CAMK1D: variants seen among roughly 807,000 people sequenced by gnomAD.
CAMK1D encodes the protein calcium/calmodulin-dependent protein kinase type 1D.
In CAMK1D, 9 loss-of-function variants were observed where a neutral mutation model predicts 47.7. The ratio of observed to expected loss-of-function variants is 0.19; its 90% CI spans 0.11 to 0.33. CAMK1D has a LOEUF of 0.33. Among genes scored for constraint, CAMK1D ranks in the 10% least tolerant of loss-of-function variants. CAMK1D has a pLI of 1.00. For missense variants in CAMK1D, 291 were observed against 488.7 expected, an observed-to-expected ratio of 0.60 and a Z score of 3.81; for synonymous variants, 184 against 184.9, an observed-to-expected ratio of 0.99 and a Z score of 0.04.
intron 3 of CAMK1D, among the ~76,000 whole-genome samples, chr10:12,707,074 G>A (rs574192587): frequency 3.9e-5 from 6 of 152,300 alleles, no homozygotes; most frequent in African/African-American, 1.2e-4. Context: ...TTTTCCAGCT[G>A]GAGAGAGATA....
At position 12,694,176 on chromosome 10, in the gene CAMK1D, T is replaced by A. The variant is rs867366620; in HGVS notation, c.299+27366T>A. 1.0e-4 allele frequency among the ~76,000 whole-genome samples: 4 copies of A among 38,230 alleles called. 1 individual carries two copies. In the Admixed American group the frequency reaches 1.6e-3, roughly 15 times the overall value. 25.1% of individuals were successfully genotyped at this position (38,230 alleles called of 152,430 possible). On this transcript the variant is annotated intron_variant, in intron 3 of 10. Coordinates refer to ENST00000619168, the MANE Select transcript of CAMK1D (RefSeq NM_153498.4). ...TAATATATATTATGCATAATATATA[T>A]TATATATAATATAATATATATTATA... is the stretch of plus-strand genomic sequence containing the variant.
chr10:12,494,849 G>A (rs892965095), intron 1 of CAMK1D, among the ~76,000 whole-genome samples: 11 of 152,132 alleles, frequency 7.2e-5, no homozygotes, highest in African/African-American at 2.2e-4. Context: ...GATTACAGGC[G>A]TGAACCACTG....
At position 12,373,025 on chromosome 10, in the gene CAMK1D, G is replaced by A. The variant is rs112606789; in HGVS notation, c.92+23115G>A. 6.5e-3 allele frequency among the ~76,000 whole-genome samples: 985 copies of A among 152,284 alleles called. 15 individuals carry two copies. Among genetic ancestry groups the A allele is most frequent in the African/African-American group, 0.023 (940 of 41,568 alleles). ...GTAAAGCTTAAATGACCCACTTCCCGGGTGGCCACCAGGTATTCTTTTAAC... is the reference window on the plus strand; with the variant it reads ...GTAAAGCTTAAATGACCCACTTCCCAGGTGGCCACCAGGTATTCTTTTAAC... On this transcript the variant is annotated intron_variant, in intron 1 of 10. Transcript: ENST00000619168.
intron 2 of CAMK1D, among the ~76,000 whole-genome samples, chr10:12,586,112 AG>A (rs1386311268): frequency 2.6e-5 from 4 of 152,334 alleles, no homozygotes; most frequent in African/African-American, 7.2e-5. Context: ...CATTTATGGA[AG>A]CCCCACCATG....
At chr10:12,483,386 A>G (rs1219195112) in intron 1 of CAMK1D, among the ~76,000 whole-genome samples, 1 of 152,126 alleles carries the variant, frequency 6.6e-6, no homozygotes, top group East Asian at 1.9e-4. Context: ...TTTTTTGTAG[A>G]GACAGGGTCT....
chr10:12,805,650 A>G (rs564732391), intron 6 of CAMK1D, among the ~76,000 whole-genome samples: 1 of 152,294 alleles, frequency 6.6e-6, no homozygotes, highest in Admixed American at 6.5e-5. Flanking sequence ...GATTACAGGC[A>G]TGAGCCACCG....
At chr10:12,524,878 A>G (rs1186936645) in intron 1 of CAMK1D, among the ~76,000 whole-genome samples, 1 of 152,164 alleles carries the variant, frequency 6.6e-6, no homozygotes, top group Non-Finnish European at 1.5e-5. Context: ...TTCCACCTGA[A>G]GCATTTCCTT....
chr10:12,781,535 CT>C (rs3837320), intron 5 of CAMK1D, among the ~76,000 whole-genome samples: 34,049 of 152,166 alleles, frequency 0.22, 3,992 homozygotes, highest in East Asian at 0.46. Context: ...GCAGTCCCAG[CT>C]CAGATGAGAA....
chr10:12,415,839 T>A (rs1839829416), intron 1 of CAMK1D: 1 of 150,898 alleles, frequency 6.6e-6, no homozygotes, highest in South Asian at 2.1e-4. Context: ...AAGGTCTCGC[T>A]CTGTTGTCCA....
chr10:12,669,888 C>A (rs1409340977), intron 3 of CAMK1D, among the ~76,000 whole-genome samples: 1 of 151,848 alleles, frequency 6.6e-6, no homozygotes, highest in African/African-American at 2.4e-5. Flanking sequence ...GAGTAGTATT[C>A]CATTATTTTA....
chr10:12,419,654 A>G (rs989744765), intron 1 of CAMK1D, among the ~76,000 whole-genome samples: 2 of 151,922 alleles, frequency 1.3e-5, no homozygotes, highest in African/African-American at 4.8e-5. Context: ...ACACACACAC[A>G]CACACACACA....
chr10:12,355,668 C>T lies in CAMK1D; in HGVS notation c.92+5758C>T, dbSNP rs181616674. Among the ~76,000 whole-genome samples the T allele has an allele frequency of 6.3e-4, 96 of 152,244 alleles. No homozygotes were observed. The Middle Eastern group carries it at 0.01, about 16-fold the overall frequency. On this transcript the variant is annotated intron_variant, in intron 1 of 10. Transcript: ENST00000619168. ...GGTGGGAAGCCCCTAGACTTCTCCC[C>T]GAGGGTATCCCCGCTGCAGTCTTCT...
rs546442191 is a variant in CAMK1D at position 12,679,246 on chromosome 10, G to A, written c.299+12436G>A. 1.1e-4 allele frequency among the ~76,000 whole-genome samples: 17 copies of A among 152,150 alleles called. No homozygotes were observed. The East Asian group carries it at 1.5e-3, about 14-fold the overall frequency. The stretch of plus-strand genomic sequence containing the variant: ...CCTTTTTGAAAAGTTAGATCTGGTC[G>A]CTAATACTCAAATTTAAGAAGTCAT... On this transcript the variant is annotated intron_variant, in intron 3 of 10. Transcript: ENST00000619168.
At chr10:12,405,995 C>T (rs565734970) in intron 1 of CAMK1D, among the ~76,000 whole-genome samples, 4 of 152,278 alleles carry the variant, frequency 2.6e-5, no homozygotes, top group African/African-American at 9.6e-5. Context: ...ACCAGTGCTG[C>T]TTGGAAGAGG....
chr10:12,639,619 T>C (rs555866682), intron 2 of CAMK1D, among the ~76,000 whole-genome samples: 1 of 152,300 alleles, frequency 6.6e-6, no homozygotes, highest in African/African-American at 2.4e-5. Flanking sequence ...CTGCATTTTC[T>C]CTAGCACACA....
chr10:12,569,883 A>G (rs1174469339), intron 2 of CAMK1D, among the ~76,000 whole-genome samples: 2 of 151,842 alleles, frequency 1.3e-5, no homozygotes, highest in African/African-American at 4.8e-5. Context: ...TCAAGACTCT[A>G]CAAGTACTTG....
chr10:12,522,107 T>G (rs1835434593), intron 1 of CAMK1D, among the ~76,000 whole-genome samples: 1 of 151,890 alleles, frequency 6.6e-6, no homozygotes, highest in Non-Finnish European at 1.5e-5. Context: ...TACTATTTTA[T>G]TATTTGCTTT....
chr10:12,826,962 G>A (rs963822357), intron 10 of CAMK1D, among the ~76,000 whole-genome samples: 6 of 152,230 alleles, frequency 3.9e-5, no homozygotes, highest in Non-Finnish European at 7.3e-5. Flanking sequence ...GCACCAACAA[G>A]CTCAGTGGCG....
intron 1 of CAMK1D, among the ~76,000 whole-genome samples, chr10:12,506,720 G>A (rs1410466518): frequency 1.3e-5 from 2 of 151,862 alleles, no homozygotes; most frequent in East Asian, 1.9e-4. Context: ...GGGTTTCACC[G>A]TGCTACCCGG....
Sources: allele counts gnomAD v4.1 joint callset (sites outside exome capture counted in the v4.1 genomes callset), GRCh38; gene constraint gnomAD v4.1.1; transcripts MANE v1.5; gene names NCBI Gene and HGNC (gene_info 2026-07-23, HGNC 2026-07-21).